The following MACROD2 variants were observed in gnomAD, a reference collection of about 807,000 sequenced individuals.
MACROD2 encodes ADP-ribose glycohydrolase MACROD2.
A neutral mutation model predicts 70.4 loss-of-function variants in MACROD2; 36 were observed. The observed-to-expected ratio is 0.51, with a 90% CI of 0.39 to 0.68. The LOEUF (loss-of-function observed/expected upper bound fraction) is 0.68. Ranked by LOEUF, MACROD2 falls within the 30% of genes least tolerant of loss-of-function variation. The pLI, the probability that MACROD2 is intolerant of heterozygous loss-of-function variation, is 0.00. For missense variants in MACROD2, 496 were observed against 538.4 expected (o/e 0.92, Z 0.78); for synonymous variants, 172 against 178.8 (o/e 0.96, Z 0.30).
chr20:14,012,438 A>G (rs758111906), intron 2 of MACROD2, among the ~76,000 whole-genome samples: 3 of 152,176 alleles, frequency 2.0e-5, no homozygotes, highest in Non-Finnish European at 4.4e-5. Flanking sequence ...AGATTAAAAG[A>G]TATTATGCAA....
chr20:15,525,837 A>G (rs2047714126), intron 8 of MACROD2, among the ~76,000 whole-genome samples: 1 of 152,204 alleles, frequency 6.6e-6, no homozygotes, highest in Non-Finnish European at 1.5e-5. Context: ...ACAATGATCC[A>G]GACAGCTGGA....
At chr20:14,708,355 A>C (rs2071295129) in intron 5 of MACROD2, among the ~76,000 whole-genome samples, 1 of 152,158 alleles carries the variant, frequency 6.6e-6, no homozygotes, top group African/African-American at 2.4e-5. Context: ...AGTTCGAAAG[A>C]AGCCAAAGGC....
chr20:14,172,706 G>C (rs1046067513), intron 3 of MACROD2, among the ~76,000 whole-genome samples: 1 of 152,094 alleles, frequency 6.6e-6, no homozygotes, highest in Non-Finnish European at 1.5e-5. Flanking sequence ...TTTTTTGCCT[G>C]AATACCTTGG....
At chr20:15,837,254 G>T (rs1285686856) in intron 8 of MACROD2, among the ~76,000 whole-genome samples, 1 of 152,162 alleles carries the variant, frequency 6.6e-6, no homozygotes, top group African/African-American at 2.4e-5. Flanking sequence ...AGTATAATAT[G>T]CACTAAGATT....
At chr20:15,071,582 A>C (rs1016998897) in intron 5 of MACROD2, among the ~76,000 whole-genome samples, 2 of 152,230 alleles carry the variant, frequency 1.3e-5, no homozygotes, top group Non-Finnish European at 2.9e-5. Flanking sequence ...GCCTATATGC[A>C]TACTAAAGTA....
At chr20:15,703,460 C>A (rs1251051399) in intron 8 of MACROD2, among the ~76,000 whole-genome samples, 2 of 152,174 alleles carry the variant, frequency 1.3e-5, no homozygotes, top group Non-Finnish European at 2.9e-5. Context: ...TCTTAACTTA[C>A]AACCCCCAGT....
At chr20:14,440,978 C>A (rs1386720942) in intron 3 of MACROD2, among the ~76,000 whole-genome samples, 1 of 152,160 alleles carries the variant, frequency 6.6e-6, no homozygotes, top group Non-Finnish European at 1.5e-5. Flanking sequence ...TTGCTAGATA[C>A]CTTTGGACAG....
chr20:15,238,180 G>A lies in MACROD2; in HGVS notation c.540+8119G>A, dbSNP rs571662887. ...AGCTACATTGAATATGCTAAACACA[G>A]GTTGCTCAAAGATTTTTATTCTTAA... On this transcript the variant is annotated intron_variant, in intron 6 of 17. Coordinates refer to ENST00000684519, the MANE Select transcript of MACROD2 (RefSeq NM_001351661.2). 4.6e-5 allele frequency among the ~76,000 whole-genome samples: 7 copies of A among 152,274 alleles called. No individual in the cohort carries two copies. The South Asian group carries it at 1.2e-3, about 27-fold the overall frequency.
At chr20:15,263,664 G>A (rs969635284) in intron 6 of MACROD2, among the ~76,000 whole-genome samples, 4 of 151,926 alleles carry the variant, frequency 2.6e-5, no homozygotes, top group Non-Finnish European at 5.9e-5. Flanking sequence ...ATCCATGAAC[G>A]TGGAATATCT....
chr20:15,381,205 C>G (rs2045639310), intron 6 of MACROD2, among the ~76,000 whole-genome samples: 1 of 151,528 alleles, frequency 6.6e-6, no homozygotes, highest in Admixed American at 6.6e-5. Flanking sequence ...ATGTGTGTAT[C>G]CATTATTTTT....
intron 5 of MACROD2, among the ~76,000 whole-genome samples, chr20:15,032,166 G>C (rs1233092221): frequency 6.6e-6 from 1 of 152,198 alleles, no homozygotes; most frequent in Non-Finnish European, 1.5e-5. Flanking sequence ...GCGGGAGCAG[G>C]CACTTCTAGC....
chr20:15,838,056 C>A (rs899505515), intron 8 of MACROD2, among the ~76,000 whole-genome samples: 2 of 152,066 alleles, frequency 1.3e-5, no homozygotes, highest in African/African-American at 4.8e-5. Context: ...TTGAGAAAAA[C>A]TCATATACCG....
intron 4 of MACROD2, among the ~76,000 whole-genome samples, chr20:14,548,124 G>A (rs894848858): frequency 3.3e-5 from 5 of 152,092 alleles, no homozygotes; most frequent in African/African-American, 1.2e-4. Context: ...AAAATTGGAG[G>A]AATTATTGGG....
At chr20:14,269,031 C>A (rs916370053) in intron 3 of MACROD2, among the ~76,000 whole-genome samples, 1 of 152,176 alleles carries the variant, frequency 6.6e-6, no homozygotes, top group Non-Finnish European at 1.5e-5. Context: ...TTGAGGGGAG[C>A]AAGCTAGTCT....
intron 3 of MACROD2, among the ~76,000 whole-genome samples, chr20:14,488,410 T>G (rs995072634): frequency 1.2e-4 from 19 of 152,324 alleles, no homozygotes; most frequent in African/African-American, 4.1e-4. Flanking sequence ...CACATTCTGA[T>G]TTCTCTCATT....
chr20:14,431,298 C>T (rs1243898678), intron 3 of MACROD2, among the ~76,000 whole-genome samples: 2 of 152,012 alleles, frequency 1.3e-5, no homozygotes, highest in African/African-American at 2.4e-5. Context: ...TGATAAGTGG[C>T]AGAGGTGGGA....
chr20:15,791,068 C>T (rs1387518493), intron 8 of MACROD2, among the ~76,000 whole-genome samples: 1 of 151,892 alleles, frequency 6.6e-6, no homozygotes, highest in Non-Finnish European at 1.5e-5. Context: ...CTAAAACTCA[C>T]TGATCAATTC....
At chr20:14,431,319 A>G (rs2083992108) in intron 3 of MACROD2, among the ~76,000 whole-genome samples, 2 of 152,236 alleles carry the variant, frequency 1.3e-5, no homozygotes, top group African/African-American at 2.4e-5. Flanking sequence ...TGGAAACCCT[A>G]TACTCTCTGA....
At chr20:15,794,883 G>A (rs1026080821) in intron 8 of MACROD2, among the ~76,000 whole-genome samples, 5 of 152,148 alleles carry the variant, frequency 3.3e-5, no homozygotes, top group Non-Finnish European at 5.9e-5. Flanking sequence ...CAGATAGACC[G>A]ATAGATACAC....
Sources: gnomAD v4.1 joint callset for allele counts (sites outside exome capture counted in the v4.1 genomes callset) on GRCh38, gnomAD v4.1.1 for gene constraint, MANE v1.5 for transcripts, NCBI Gene and HGNC (gene_info 2026-07-23, HGNC 2026-07-21) for gene names.